Variants in PLEKHA5 observed in about 807,000 individuals in gnomAD.
The protein encoded by PLEKHA5 is pleckstrin homology domain containing A5.
PLEKHA5 carries 55 observed loss-of-function variants against 181.9 expected under a neutral mutation model. That is an observed-to-expected ratio of 0.30 (90% CI 0.24 to 0.38). The LOEUF is 0.38. Among genes scored for constraint, PLEKHA5 ranks in the 10% least tolerant of loss-of-function variants. The pLI, the probability that PLEKHA5 is intolerant of heterozygous loss-of-function variation, is 1.00. For synonymous variants in PLEKHA5, 535 were observed against 529.4 expected, an observed-to-expected ratio of 1.01 and a Z score of -0.15; for missense variants, 1,432 against 1,549.5, an observed-to-expected ratio of 0.92 and a Z score of 1.27.
intron 5 of PLEKHA5, among the ~76,000 whole-genome samples, chr12:19,256,032 A>G (rs1196003748): frequency 1.3e-5 from 2 of 152,118 alleles, no homozygotes; most frequent in African/African-American, 4.8e-5. Context: ...TAACAATTAA[A>G]GAATAATTTC....
chr12:19,249,811 C>T (rs2064784601), intron 3 of PLEKHA5, among the ~76,000 whole-genome samples: 2 of 152,196 alleles, frequency 1.3e-5, no homozygotes, highest in Non-Finnish European at 2.9e-5. Context: ...AAACTGTGCT[C>T]TCAACTGCCA....
intron 3 of PLEKHA5, among the ~76,000 whole-genome samples, chr12:19,230,464 G>T (rs1226613267): frequency 6.6e-6 from 1 of 152,174 alleles, no homozygotes. Context: ...CGGAGGGGAG[G>T]CTCGGGCATG....
chr12:19,200,273 T>C, intron 3 of PLEKHA5: 1 of 1,307,102 alleles, frequency 7.7e-7, no homozygotes. Context: ...TATGTACCAA[T>C]AAAAAAAAAT....
chr12:19,335,819 A>T (rs966110949), intron 20 of PLEKHA5, among the ~76,000 whole-genome samples: 6 of 151,934 alleles, frequency 3.9e-5, no homozygotes, highest in African/African-American at 1.2e-4. Context: ...TTCAGTAGAG[A>T]CAGGGTTTCA....
intron 3 of PLEKHA5, among the ~76,000 whole-genome samples, chr12:19,137,885 G>A (rs1199762942): frequency 1.3e-5 from 2 of 152,168 alleles, no homozygotes; most frequent in Non-Finnish European, 2.9e-5. Context: ...AGTTATTTAA[G>A]GAGTTAATCA....
intron 3 of PLEKHA5, chr12:19,243,499 A>G (rs1251446056): frequency 6.6e-6 from 1 of 152,240 alleles, no homozygotes; most frequent in Non-Finnish European, 1.5e-5. Flanking sequence ...CATAATATTT[A>G]TTGCTGGAGG....
At position 19,140,616 on chromosome 12, in the gene PLEKHA5, A is replaced by G. The variant is rs547628421; in HGVS notation, c.227+8166A>G. Among the ~76,000 whole-genome samples the G allele has an allele frequency of 2.6e-5, 4 of 152,328 alleles. No individual in the cohort carries two copies. In the South Asian group the frequency reaches 6.2e-4, roughly 24 times the overall value. ...TTTATGCTTCCAGTGCCTGGCATGT[A>G]ATAGACAATTAGGTGTTTGAAATGA... On this transcript the variant is annotated intron_variant, in intron 3 of 31. Coordinates refer to ENST00000429027, the MANE Select transcript of PLEKHA5 (RefSeq NM_001256470.2).
chr12:19,260,945 C>T lies in PLEKHA5; in HGVS notation c.538-4C>T. On this transcript the variant is annotated splice_polypyrimidine_tract_variant and splice_region_variant and intron_variant, in intron 6 of 31. Transcript: ENST00000429027. Reference sequence around the variant, plus strand: ...TAATCCTTAAATATGCTGATTTAATCCAGGACAGTACTGGCATGAAATTGT... The same window carrying T: ...TAATCCTTAAATATGCTGATTTAATTCAGGACAGTACTGGCATGAAATTGT... 6.4e-7 allele frequency: 1 copy of T among 1,560,136 alleles called. No homozygotes were observed. Among genetic ancestry groups the T allele is most frequent in the Non-Finnish European group, 8.8e-7 (1 of 1,140,422 alleles).
chr12:19,174,639 C>T (rs138097097), intron 3 of PLEKHA5, among the ~76,000 whole-genome samples: 13 of 152,246 alleles, frequency 8.5e-5, no homozygotes, highest in African/African-American at 3.1e-4. Flanking sequence ...TGAGCTGATA[C>T]TTTGAGGGCT....
intron 20 of PLEKHA5, among the ~76,000 whole-genome samples, chr12:19,334,829 A>ATATATATATATATATATAT (rs1555165772): frequency 5.4e-5 from 1 of 18,600 alleles, no homozygotes; most frequent in African/African-American, 1.2e-4. Flanking sequence ...AAAAAAAAAA[A>ATATATATATATATATATAT]ATATATATAT....
intron 29 of PLEKHA5, among the ~76,000 whole-genome samples, chr12:19,365,005 C>A (rs2095380411): frequency 6.6e-6 from 1 of 152,060 alleles, no homozygotes. Flanking sequence ...TCTGTTAATG[C>A]AATAGTTCAT....
At chr12:19,138,035 G>C (rs1314323271) in intron 3 of PLEKHA5, among the ~76,000 whole-genome samples, 1 of 152,136 alleles carries the variant, frequency 6.6e-6, no homozygotes, top group African/African-American at 2.4e-5. Flanking sequence ...CTATATTTAG[G>C]AAGGGGGAGG....
intron 3 of PLEKHA5, among the ~76,000 whole-genome samples, chr12:19,133,976 A>G (rs1210071819): frequency 6.6e-6 from 1 of 152,038 alleles, no homozygotes; most frequent in Non-Finnish European, 1.5e-5. Flanking sequence ...ATTTCAGGTC[A>G]TTTATTCAAT....
chr12:19,269,650 A>T, intron 8 of PLEKHA5, 120 bp from the exon 9 acceptor site: 1 of 537,332 alleles, frequency 1.9e-6, no homozygotes, highest in Non-Finnish European at 3.3e-6. Context: ...GTAAAAGATA[A>T]GTCTACTTTC....
intron 3 of PLEKHA5, among the ~76,000 whole-genome samples, chr12:19,171,399 T>A (rs1024121676): frequency 2.0e-5 from 3 of 152,194 alleles, no homozygotes; most frequent in Non-Finnish European, 4.4e-5. Flanking sequence ...CCTGTAAATA[T>A]AGATTTACCA....
intron 4 of PLEKHA5, 108 bp from the exon 5 acceptor site, chr12:19,254,937 C>G: frequency 1.1e-6 from 1 of 911,430 alleles, no homozygotes; most frequent in South Asian, 2.6e-5. Flanking sequence ...AACTAGGATC[C>G]AAGTACTGTG....
At chr12:19,265,025 C>T (rs2069844503) in intron 7 of PLEKHA5, among the ~76,000 whole-genome samples, 1 of 152,178 alleles carries the variant, frequency 6.6e-6, no homozygotes, top group South Asian at 2.1e-4. Flanking sequence ...ATTTTATGTG[C>T]TTGCCTTGTA....
At chr12:19,140,464 A>C (rs1481456562) in intron 3 of PLEKHA5, among the ~76,000 whole-genome samples, 1 of 152,186 alleles carries the variant, frequency 6.6e-6, no homozygotes, top group African/African-American at 2.4e-5. Context: ...CATCTTGGCC[A>C]CTAAGGAGTG....
intron 3 of PLEKHA5, among the ~76,000 whole-genome samples, chr12:19,210,558 G>C (rs943340438): frequency 6.6e-6 from 1 of 152,132 alleles, no homozygotes; most frequent in Non-Finnish European, 1.5e-5. Context: ...TTCCAGATGA[G>C]CTATGATTTT....
Sources: allele counts gnomAD v4.1 joint callset (sites outside exome capture counted in the v4.1 genomes callset), GRCh38; gene constraint gnomAD v4.1.1; transcripts MANE v1.5; gene names NCBI Gene and HGNC (gene_info 2026-07-23, HGNC 2026-07-21).